Variants in ANO3 observed in about 807,000 individuals in gnomAD.
ANO3 encodes anoctamin 3, also known as anoctamin-3.
In ANO3, 99 loss-of-function variants were observed where a neutral mutation model predicts 144.8. The observed-to-expected ratio is 0.68, with a 90% confidence interval of 0.58 to 0.81. ANO3 has a LOEUF of 0.81. ANO3 is among the 30% of genes least tolerant of loss of function. The pLI, the probability that ANO3 is intolerant of heterozygous loss-of-function variation, is 0.00. For missense variants in ANO3, 905 were observed against 1,202.2 expected (o/e 0.75, Z 3.66); for synonymous variants, 414 against 392.6 (o/e 1.05, Z -0.64).
At chr11:26,625,752 G>T (rs910805066) in intron 18 of ANO3, among the ~76,000 whole-genome samples, 1 of 151,990 alleles carries the variant, frequency 6.6e-6, no homozygotes, top group African/African-American at 2.4e-5. Context: ...CTCCAAACTA[G>T]ATGGGTTATT....
In ANO3 at chr11:26,653,603, G is replaced by A. The variant is rs184742440; in HGVS notation, c.2577-2522G>A. Among the ~76,000 whole-genome samples the A allele has an allele frequency of 3.9e-5, 6 of 152,044 alleles. No homozygotes were observed. In the East Asian group the frequency reaches 9.8e-4, roughly 25 times the overall value. On this transcript the variant is annotated intron_variant, in intron 24 of 26. Transcript: ENST00000256737. The stretch of plus-strand genomic sequence containing the variant: ...TTCATACAAAGGGAGCTTCTTCTCT[G>A]AGCTCGTTTTCCGGCACTATTTCCC...
chr11:26,593,917 T>C (rs1027110025), intron 14 of ANO3, among the ~76,000 whole-genome samples: 2 of 152,118 alleles, frequency 1.3e-5, no homozygotes, highest in African/African-American at 4.8e-5. Flanking sequence ...AAACCAAGGT[T>C]ACCAAGTTAA....
intron 1 of ANO3, among the ~76,000 whole-genome samples, chr11:26,382,120 A>G (rs1174508934): frequency 1.3e-5 from 2 of 152,184 alleles, no homozygotes; most frequent in Non-Finnish European, 2.9e-5. Flanking sequence ...ATATATTTCA[A>G]TTTGTGCAAA....
At chr11:26,528,161 T>G (rs1484541200) in intron 7 of ANO3, among the ~76,000 whole-genome samples, 1 of 152,194 alleles carries the variant, frequency 6.6e-6, no homozygotes, top group East Asian at 1.9e-4. Flanking sequence ...GTACTTTTAG[T>G]AGTATAAATC....
At chr11:26,647,679 G>C in intron 23 of ANO3, 30 bp from the exon 24 acceptor site, 1 of 1,568,772 alleles carries the variant, frequency 6.4e-7, no homozygotes. Flanking sequence ...CTTCATTTTT[G>C]TTCACCATGA....
At chr11:26,468,557 A>G (rs1442804204) in intron 4 of ANO3, among the ~76,000 whole-genome samples, 1 of 151,966 alleles carries the variant, frequency 6.6e-6, no homozygotes, top group Non-Finnish European at 1.5e-5. Flanking sequence ...AGGACTGGAG[A>G]CACTGGTCAT....
At chr11:26,499,391 G>T (rs1217633045) in intron 4 of ANO3, among the ~76,000 whole-genome samples, 4 of 151,278 alleles carry the variant, frequency 2.6e-5, no homozygotes, top group African/African-American at 9.7e-5. Context: ...ATTATAAAAT[G>T]CTCTCATAGT....
chr11:26,453,726 A>C (rs143823943), intron 3 of ANO3, among the ~76,000 whole-genome samples: 7,949 of 152,220 alleles, frequency 0.052, 244 homozygotes, highest in African/African-American at 0.081. Context: ...TGCACCAAGC[A>C]GACCTAATAG....
At chr11:26,411,362 A>T (rs1158270466) in intron 1 of ANO3, among the ~76,000 whole-genome samples, 1 of 151,984 alleles carries the variant, frequency 6.6e-6, no homozygotes. Context: ...AATATCAAAC[A>T]TTTTGCCAAC....
In ANO3 at chr11:26,635,003, C is replaced by A; in HGVS notation, c.1986-10C>A. ...CTTAAATGCTAATGAACTAAAATGT[C>A]TTCTTACAGATTCGTAGGCCACCCA... On this transcript the variant is annotated splice_polypyrimidine_tract_variant and intron_variant, in intron 19 of 26. Transcript: ENST00000256737. 6.2e-7 allele frequency: 1 copy of A among 1,611,374 alleles called. No individual in the cohort carries two copies. The highest frequency in any genetic ancestry group is 8.5e-7 in the Non-Finnish European group (1 of 1,177,668).
intron 6 of ANO3, among the ~76,000 whole-genome samples, chr11:26,522,483 AG>A (rs1366842888): frequency 6.6e-6 from 1 of 152,170 alleles, no homozygotes; most frequent in Non-Finnish European, 1.5e-5. Flanking sequence ...TTGTTGTAAT[AG>A]GTAGATAGAT....
At position 26,522,839 on chromosome 11, in the gene ANO3, C is replaced by G. The variant is rs184921101; in HGVS notation, c.693-2796C>G. On this transcript the variant is annotated intron_variant, in intron 6 of 26. Transcript: ENST00000256737. ...TGTGATGCATATCATAGTCAATTCA[C>G]TAAAATTTATAAAGACAGAGGGAAA... Among the ~76,000 whole-genome samples the G allele has an allele frequency of 4.6e-5, 7 of 152,166 alleles. No homozygotes were observed. The South Asian group carries it at 6.2e-4, about 14-fold the overall frequency.
At chr11:26,318,322 A>G (rs1854676440) in intron 1 of ANO3, among the ~76,000 whole-genome samples, 1 of 152,172 alleles carries the variant, frequency 6.6e-6, no homozygotes, top group South Asian at 2.1e-4. Context: ...TGAGAGAAAT[A>G]CAATGTACTC....
At chr11:26,453,201 A>T (rs1287212226) in intron 3 of ANO3, among the ~76,000 whole-genome samples, 2 of 152,212 alleles carry the variant, frequency 1.3e-5, no homozygotes, top group Non-Finnish European at 2.9e-5. Context: ...CTAACATCAT[A>T]ATGACAGGAT....
intron 17 of ANO3, among the ~76,000 whole-genome samples, chr11:26,602,281 T>C (rs997500759): frequency 1.3e-5 from 2 of 152,160 alleles, no homozygotes; most frequent in Admixed American, 6.5e-5. Flanking sequence ...AGTGCCTAGC[T>C]TTGGAGGTGT....
chr11:26,620,910 G>T (rs894492168), intron 17 of ANO3, among the ~76,000 whole-genome samples: 2 of 152,144 alleles, frequency 1.3e-5, no homozygotes, highest in African/African-American at 4.8e-5. Context: ...CTCATAAGAG[G>T]ATTGGCTTTT....
At chr11:26,552,617 T>G (rs533482479) in intron 12 of ANO3, among the ~76,000 whole-genome samples, 2 of 152,204 alleles carry the variant, frequency 1.3e-5, no homozygotes, top group African/African-American at 4.8e-5. Flanking sequence ...TGAGAAATTT[T>G]CTTAAAGGCA....
chr11:26,540,263 C>A (rs1318408555), intron 10 of ANO3, among the ~76,000 whole-genome samples: 1 of 152,070 alleles, frequency 6.6e-6, no homozygotes, highest in Non-Finnish European at 1.5e-5. Flanking sequence ...TCCTGGGATG[C>A]AAGGCTGGTT....
chr11:26,627,526 T>C (rs973351706), intron 18 of ANO3, among the ~76,000 whole-genome samples: 59 of 152,200 alleles, frequency 3.9e-4, no homozygotes, highest in Admixed American at 3.7e-3. Flanking sequence ...AGTTGGGTAA[T>C]GAAGCACTAG....
Sources: gnomAD v4.1 joint callset for allele counts (sites outside exome capture counted in the v4.1 genomes callset) on GRCh38, gnomAD v4.1.1 for gene constraint, MANE v1.5 for transcripts, NCBI Gene and HGNC (gene_info 2026-07-23, HGNC 2026-07-21) for gene names.